Variants in SLC25A6 observed in about 807,000 individuals in gnomAD.
SLC25A6 encodes ADP/ATP translocase 3.
Under a neutral mutation model 25.7 loss-of-function variants are expected in SLC25A6, and 9 were observed. That is an observed-to-expected ratio of 0.35 (90% CI 0.21 to 0.61). The LOEUF (loss-of-function observed/expected upper bound fraction) is 0.61, where lower values mean the gene tolerates loss of function less well. Ranked by LOEUF, SLC25A6 falls within the 20% of genes least tolerant of loss-of-function variation. SLC25A6 has a pLI of 0.76. For synonymous variants in SLC25A6, 223 were observed against 197.0 expected, an observed-to-expected ratio of 1.13 and a Z score of -1.11; for missense variants, 404 against 440.5, an observed-to-expected ratio of 0.92 and a Z score of 0.74.
At chrX:1,389,924 A>AT (rs1284944801) in intron 1 of SLC25A6, among the ~76,000 whole-genome samples, 197 bp from the exon 2 acceptor site, 1 of 151,784 alleles carries the variant, frequency 6.6e-6, no homozygotes, top group Non-Finnish European at 1.5e-5. Flanking sequence ...CGCCCGGCTA[A>AT]TTTTTTTGCT....
chrX:1,390,206 T>G (rs2089383529), intron 1 of SLC25A6: 2 of 180,706 alleles, frequency 1.1e-5, no homozygotes, highest in South Asian at 2.3e-4. Context: ...AGAGATGGAG[T>G]CTTGCTACGA....
chrX:1,389,763 G>T, intron 1 of SLC25A6, 36 bp from the exon 2 acceptor site: 1 of 1,599,470 alleles, frequency 6.3e-7, no homozygotes, highest in Non-Finnish European at 8.5e-7. Flanking sequence ...CCAGACCCAG[G>T]GCCAACCACC....
rs763190824 is a variant in SLC25A6, at chrX:1,388,765, G to C, written c.598+476C>G. On this transcript the variant is annotated intron_variant, in intron 2 of 3. Transcript: ENST00000381401. ...ATCCACCCAGTCTATGGTATTCTGT[G>C]ATAGCAGCCTGAAATGGATTAAGAC... 2.6e-5 allele frequency among the ~76,000 whole-genome samples: 4 copies of C among 151,636 alleles called. No homozygotes were observed. In the South Asian group the frequency reaches 8.3e-4, roughly 32 times the overall value.
At chrX:1,387,142 G>A in intron 3 of SLC25A6, 137 bp downstream of exon 3, 1 of 1,085,528 alleles carries the variant, frequency 9.2e-7, no homozygotes, top group Non-Finnish European at 1.3e-6. Context: ...CACACAGCCA[G>A]GTTACTTTCG....
At position 1,392,061 on chromosome X, in the gene SLC25A6, G is replaced by A. The variant is rs1181416064; in HGVS notation, c.-52C>T. 1.5e-6 allele frequency: 2 copies of A among 1,367,246 alleles called. No individual in the cohort carries two copies. Among genetic ancestry groups the A allele is most frequent in the South Asian group, 1.2e-5 (1 of 81,062 alleles). The allele number at this position is 1,367,246 out of a possible 1,614,324, so 84.7% of individuals were successfully genotyped here. A position where few individuals can be genotyped will look rare whatever the true frequency, so the allele number is the denominator to read the frequency against. On this transcript the variant is annotated 5_prime_UTR_variant, in exon 1 of 4. Transcript: ENST00000381401. Reference sequence around the variant, plus strand: ...AGGACAGCCGGAGAACGGGCGCGGAGAGTGAATGGAGGGCGTCGCTGGCTC... The same window carrying A: ...AGGACAGCCGGAGAACGGGCGCGGAAAGTGAATGGAGGGCGTCGCTGGCTC...
At chrX:1,389,940 A>T (rs1295933113) in intron 1 of SLC25A6, among the ~76,000 whole-genome samples, 1 of 151,906 alleles carries the variant, frequency 6.6e-6, no homozygotes, top group African/African-American at 2.4e-5. Context: ...TTGCTTATTT[A>T]GTAGAGACGA....
At chrX:1,391,677 C>A (rs762901831) in intron 1 of SLC25A6, among the ~76,000 whole-genome samples, 1 of 152,322 alleles carries the variant, frequency 6.6e-6, no homozygotes, top group East Asian at 1.9e-4. Flanking sequence ...TGCCGCATTT[C>A]CCCCCGCCCG....
At chrX:1,390,471 C>G (rs1470060662) in intron 1 of SLC25A6, among the ~76,000 whole-genome samples, 2 of 151,524 alleles carry the variant, frequency 1.3e-5, no homozygotes, top group Non-Finnish European at 2.9e-5. Context: ...CAGGTGCCTG[C>G]TAGGGAGGCT....
At position 1,386,618 on chromosome X, in the gene SLC25A6, A is replaced by G. The variant is rs1421342760; in HGVS notation, c.881T>C (p.Leu294Pro). The G allele has an allele frequency of 6.3e-7, 1 of 1,581,508 alleles. No homozygotes were observed. Among genetic ancestry groups the G allele is most frequent in the East Asian group, 2.4e-5 (1 of 42,462 alleles). Residue 294 changes from leucine to proline, a missense_variant, in exon 4 of 4, where the codon CTC (leucine) becomes CCC (proline). Transcript: ENST00000381401. ...CCGCGGCCCTTAGATCACCTTCTTG[A>G]GCTCGTCGTACAGGACCAGCACGAA... The part of the protein sequence containing the change: ...GAFVLVLYDE[L>P]KKVI
intron 2 of SLC25A6, among the ~76,000 whole-genome samples, chrX:1,388,535 T>C (rs2089357874): frequency 2.0e-5 from 3 of 150,150 alleles, no homozygotes; most frequent in Non-Finnish European, 3.0e-5. Context: ...ACCCAGTCTA[T>C]GGTGTTCTGG....
chrX:1,387,077 C>G (rs2089334853), intron 3 of SLC25A6, among the ~76,000 whole-genome samples: 1 of 152,136 alleles, frequency 6.6e-6, no homozygotes, highest in East Asian at 1.9e-4. Context: ...GAAACTGCCG[C>G]CCGGACCATG....
intron 1 of SLC25A6, among the ~76,000 whole-genome samples, chrX:1,391,589 T>C (rs1273833019): frequency 3.9e-5 from 6 of 152,284 alleles, no homozygotes; most frequent in African/African-American, 1.2e-4. Context: ...ACCCGCAGGA[T>C]TGAGCTCAAG....
chrX:1,392,086 C>T lies in SLC25A6; in HGVS notation c.-77G>A, dbSNP rs1310129656. The T allele has an allele frequency of 8.2e-6, 9 of 1,102,202 alleles. No individual in the cohort carries two copies. In the Admixed American group the frequency reaches 1.0e-4, roughly 12 times the overall value. 68.3% of individuals were successfully genotyped at this position (1,102,202 alleles called of 1,614,324 possible). A position where few individuals can be genotyped will look rare whatever the true frequency, so the allele number is the denominator to read the frequency against. On this transcript the variant is annotated 5_prime_UTR_variant, in exon 1 of 4. Coordinates refer to ENST00000381401, the MANE Select transcript of SLC25A6 (RefSeq NM_001636.4). ...GAGTGAATGGAGGGCGTCGCTGGCTCAGCCCTGCCGCCGCCTGGACCGAAA... is the reference window on the plus strand; with the variant it reads ...GAGTGAATGGAGGGCGTCGCTGGCTTAGCCCTGCCGCCGCCTGGACCGAAA...
In SLC25A6 at chrX:1,386,670, T is replaced by C. The variant is rs2089328777; in HGVS notation, c.829A>G (p.Asn277Asp). The C allele has an allele frequency of 1.9e-6, 3 of 1,612,942 alleles. No homozygotes were observed. Among genetic ancestry groups the C allele is most frequent in the Non-Finnish European group, 2.5e-6 (3 of 1,179,410 alleles). The change falls in exon 4 of 4, where the codon AAC becomes GAC. Residue 277 changes from asparagine to aspartate, a missense_variant. Asn to Asp is a conservative substitution (Grantham distance 23). Coordinates refer to ENST00000381401, the MANE Select transcript of SLC25A6 (RefSeq NM_001636.4). The part of the protein sequence containing the change: ...GKAFFKGAWS[N>D]VLRGMGGAFV... The stretch of plus-strand genomic sequence containing the variant: ...GCGCCCCCCATGCCCCGCAGGACGT[T>C]GGACCACGCACCCTTGAAGAAGGCC...
At chrX:1,386,807 G>A in intron 3 of SLC25A6, 48 bp from the exon 4 acceptor site, 1 of 1,580,288 alleles carries the variant, frequency 6.3e-7, no homozygotes, top group Non-Finnish European at 8.6e-7. Flanking sequence ...AGCTCTTCAA[G>A]ACACGGACGC....
At chrX:1,391,786 G>A (rs1225016704) in intron 1 of SLC25A6, 113 bp downstream of exon 1, 4 of 739,354 alleles carry the variant, frequency 5.4e-6, no homozygotes, top group Admixed American at 5.3e-5. Flanking sequence ...AAGCGATCGC[G>A]GCCTTCCACT....
chrX:1,386,822 T>G (rs2089331338), intron 3 of SLC25A6, 63 bp from the exon 4 acceptor site: 1 of 1,545,362 alleles, frequency 6.5e-7, no homozygotes. Context: ...GGACGCCACC[T>G]GCACCCACAA....
At chrX:1,387,506 C>G (rs1213394871) in intron 2 of SLC25A6, 87 bp from the exon 3 acceptor site, 1 of 1,559,172 alleles carries the variant, frequency 6.4e-7, no homozygotes, top group Non-Finnish European at 8.7e-7. Context: ...TCACGGCCCC[C>G]TGAGGTGGTG....
intron 2 of SLC25A6, 66 bp from the exon 3 acceptor site, chrX:1,387,485 C>T: frequency 6.3e-7 from 1 of 1,591,936 alleles, no homozygotes; most frequent in Non-Finnish European, 8.5e-7. Flanking sequence ...GGGTCGGCCC[C>T]CAGGGTGTGC....
Sources: allele counts gnomAD v4.1 joint callset (sites outside exome capture counted in the v4.1 genomes callset), GRCh38; gene constraint gnomAD v4.1.1; transcripts MANE v1.5; gene names NCBI Gene and HGNC (gene_info 2026-07-23, HGNC 2026-07-21).